The following C12orf56 variants were observed in gnomAD, a reference collection of about 807,000 sequenced individuals.
C12orf56 encodes the protein chromosome 12 open reading frame 56, also known as uncharacterized protein C12orf56.
Under a neutral mutation model 69.9 loss-of-function variants are expected in C12orf56, and 71 were observed. The observed-to-expected ratio is 1.02, with a 90% confidence interval of 0.84 to 1.24. The LOEUF (loss-of-function observed/expected upper bound fraction) is 1.24, where lower values mean the gene tolerates loss of function less well. Among genes scored for constraint, C12orf56 ranks in the 50% most tolerant of loss-of-function variants. The pLI is 0.00. For synonymous variants in C12orf56, 276 were observed against 274.1 expected, an observed-to-expected ratio of 1.01 and a Z score of -0.07; for missense variants, 732 against 738.5, an observed-to-expected ratio of 0.99 and a Z score of 0.10.
chr12:64,358,442 A>G (rs1220816502), intron 1 of C12orf56, among the ~76,000 whole-genome samples: 1 of 141,490 alleles, frequency 7.1e-6, no homozygotes, highest in Non-Finnish European at 1.6e-5. Flanking sequence ...TGGGCAACAC[A>G]GTAAGACTCC....
At chr12:64,364,225 G>A (rs1027851324) in intron 1 of C12orf56, among the ~76,000 whole-genome samples, 1 of 151,990 alleles carries the variant, frequency 6.6e-6, no homozygotes, top group Non-Finnish European at 1.5e-5. Context: ...CGAGGTTGCA[G>A]TGAGCCGAGA....
chr12:64,312,989 G>A (rs534653657), intron 4 of C12orf56, among the ~76,000 whole-genome samples: 126 of 151,966 alleles, frequency 8.3e-4, no homozygotes, highest in African/African-American at 2.2e-3. Context: ...GGCCGGGTGC[G>A]GTGGCTCATG....
At chr12:64,364,024 A>T (rs1279593130) in intron 1 of C12orf56, among the ~76,000 whole-genome samples, 2 of 150,870 alleles carry the variant, frequency 1.3e-5, no homozygotes, top group Non-Finnish European at 2.9e-5. Context: ...TTTAAAAAAG[A>T]GTGTTGGGCC....
At chr12:64,379,896 A>C (rs1305347342) in intron 1 of C12orf56, among the ~76,000 whole-genome samples, 1 of 148,274 alleles carries the variant, frequency 6.7e-6, no homozygotes, top group Non-Finnish European at 1.5e-5. Context: ...ATCCTGGCTA[A>C]CACGGTGAAA....
chr12:64,323,039 A>G (rs2038791831), intron 3 of C12orf56, among the ~76,000 whole-genome samples: 1 of 152,216 alleles, frequency 6.6e-6, no homozygotes, highest in Non-Finnish European at 1.5e-5. Flanking sequence ...TTAAAAATTC[A>G]ATACAAGTAA....
chr12:64,324,436 A>T (rs1198303951), intron 3 of C12orf56, among the ~76,000 whole-genome samples: 1 of 152,234 alleles, frequency 6.6e-6, no homozygotes, highest in Non-Finnish European at 1.5e-5. Flanking sequence ...TGATCAAGCA[A>T]GAACTCTCTG....
intron 1 of C12orf56, 98 bp from the exon 2 acceptor site, chr12:64,353,154 T>C (rs2039257376): frequency 1.0e-5 from 12 of 1,146,878 alleles, no homozygotes; most frequent in Admixed American, 4.7e-5. Context: ...GTTTTTTTTT[T>C]CCACATATAT....
intron 1 of C12orf56, among the ~76,000 whole-genome samples, chr12:64,389,733 G>A (rs1228656341): frequency 6.6e-6 from 1 of 152,160 alleles, no homozygotes; most frequent in African/African-American, 2.4e-5. Context: ...CTGACCCCCG[G>A]TGATCTATCC....
chr12:64,310,180 A>G (rs2038588568), intron 5 of C12orf56, among the ~76,000 whole-genome samples: 1 of 151,428 alleles, frequency 6.6e-6, no homozygotes, highest in Admixed American at 6.6e-5. Flanking sequence ...GCATTTTTAA[A>G]TTTTTTTGTA....
chr12:64,319,749 A>G (rs2038746056), intron 3 of C12orf56, among the ~76,000 whole-genome samples: 1 of 152,198 alleles, frequency 6.6e-6, no homozygotes, highest in African/African-American at 2.4e-5. Flanking sequence ...AGGCAAAAAC[A>G]GGAGGTAAAG....
intron 1 of C12orf56, among the ~76,000 whole-genome samples, chr12:64,370,981 T>C (rs572225980): frequency 6.6e-6 from 1 of 152,204 alleles, no homozygotes; most frequent in East Asian, 1.9e-4. Flanking sequence ...CATTGGGCCA[T>C]AGAGTGAGAC....
chr12:64,390,173 T>C, intron 1 of C12orf56, 141 bp downstream of exon 1: 4 of 1,140,844 alleles, frequency 3.5e-6, no homozygotes, highest in Non-Finnish European at 4.8e-6. Context: ...AGCTTCCCTG[T>C]GTTCCTCGTT....
intron 1 of C12orf56, among the ~76,000 whole-genome samples, chr12:64,378,185 G>C (rs917013165): frequency 6.6e-6 from 1 of 152,126 alleles, no homozygotes; most frequent in African/African-American, 2.4e-5. Flanking sequence ...CTTTCTTCCA[G>C]ACATGTGGAA....
At chr12:64,341,924 C>T (rs1243682215) in intron 2 of C12orf56, among the ~76,000 whole-genome samples, 2 of 152,158 alleles carry the variant, frequency 1.3e-5, no homozygotes, top group South Asian at 4.1e-4. Context: ...ACCTCCATCC[C>T]TGCCACTATG....
chr12:64,372,180 G>A (rs1007602267), intron 1 of C12orf56, among the ~76,000 whole-genome samples: 4 of 152,026 alleles, frequency 2.6e-5, no homozygotes, highest in African/African-American at 9.7e-5. Flanking sequence ...GATATTATAT[G>A]TTATAGTTGA....
At chr12:64,378,206 G>A (rs558385751) in intron 1 of C12orf56, among the ~76,000 whole-genome samples, 21 of 152,194 alleles carry the variant, frequency 1.4e-4, no homozygotes, top group Non-Finnish European at 2.8e-4. Flanking sequence ...TGCACACATG[G>A]TTGGATCACA....
At chr12:64,302,525 C>T (rs376300099) in intron 6 of C12orf56, among the ~76,000 whole-genome samples, 114 of 152,218 alleles carry the variant, frequency 7.5e-4, no homozygotes, top group African/African-American at 2.4e-3. Flanking sequence ...TACAATTGCT[C>T]AGTAAAATGA....
chr12:64,390,728 T>A lies in C12orf56; in HGVS notation c.-163A>T. ...CGCAACTGCAGGAATCGACGCTAGG[T>A]CGGCTTCCCTGGAGCGCCCTCCCCA... On this transcript the variant is annotated 5_prime_UTR_variant, in exon 1 of 13. Coordinates refer to ENST00000543942, the MANE Select transcript of C12orf56 (RefSeq NM_001170633.2). The A allele has an allele frequency of 9.5e-7, 1 of 1,054,058 alleles. No homozygotes were observed. The highest frequency in any genetic ancestry group is 1.3e-6 in the Non-Finnish European group (1 of 787,136). 65.3% of individuals were successfully genotyped at this position (1,054,058 alleles called of 1,614,324 possible).
intron 3 of C12orf56, among the ~76,000 whole-genome samples, chr12:64,324,016 A>G (rs756510022): frequency 1.3e-5 from 2 of 152,198 alleles, no homozygotes; most frequent in Non-Finnish European, 2.9e-5. Flanking sequence ...GTGCCCTGCT[A>G]CAAGGCAGAG....
Sources: gnomAD v4.1 joint callset for allele counts (sites outside exome capture counted in the v4.1 genomes callset) on GRCh38, gnomAD v4.1.1 for gene constraint, MANE v1.5 for transcripts, NCBI Gene and HGNC (gene_info 2026-07-23, HGNC 2026-07-21) for gene names.